Variants in ACP1 observed in about 807,000 individuals in gnomAD.
The protein encoded by ACP1 is low molecular weight phosphotyrosine protein phosphatase.
Under a neutral mutation model 23.4 loss-of-function variants are expected in ACP1, and 23 were observed. The observed-to-expected ratio is 0.98, with a 90% CI of 0.71 to 1.39. ACP1 has a LOEUF of 1.39. Among genes scored for constraint, ACP1 ranks in the 40% most tolerant of loss-of-function variants. The pLI is 0.00. For missense variants in ACP1, 180 were observed against 197.7 expected (o/e 0.91, Z 0.54); for synonymous variants, 72 against 67.2 (o/e 1.07, Z -0.35).
rs529725390 is a variant in ACP1 at position 265,404 on chromosome 2, T to G, written c.43+397T>G. The G allele has an allele frequency of 2.3e-5, 4 of 176,030 alleles. No individual in the cohort carries two copies. In the East Asian group the frequency reaches 4.4e-4, roughly 20 times the overall value. The allele number at this position is 176,030 out of a possible 1,614,324, so 10.9% of individuals were successfully genotyped here. On this transcript the variant is annotated intron_variant, in intron 1 of 5. Transcript: ENST00000272065. ...GAGTCCTATGACAACATTGTTTTGT[T>G]TGCTAGTTTCCTTAGCCCATGCTTA...
chr2:272,463 G>A lies in ACP1; in HGVS notation c.231+313G>A, dbSNP rs555831586. On this transcript the variant is annotated intron_variant, in intron 3 of 5. Coordinates refer to ENST00000272065, the MANE Select transcript of ACP1 (RefSeq NM_004300.4). ...TTTGTTTCACTTCTGGTTGCACGGTGTTGAAAGACTTGCCTGACTTTGGAA... is the reference window on the plus strand; with the variant it reads ...TTTGTTTCACTTCTGGTTGCACGGTATTGAAAGACTTGCCTGACTTTGGAA... 2.1e-6 allele frequency: 3 copies of A among 1,437,146 alleles called. No homozygotes were observed. In the East Asian group the frequency reaches 7.5e-5, roughly 36 times the overall value. The allele number at this position is 1,437,146 out of a possible 1,614,324, so 89.0% of individuals were successfully genotyped here. A position where few individuals can be genotyped will look rare whatever the true frequency, so the allele number is the denominator to read the frequency against.
chr2:272,005 A>AT, intron 2 of ACP1, 32 bp from the exon 3 acceptor site: 1 of 1,609,448 alleles, frequency 6.2e-7, no homozygotes. Context: ...TTGCAAAAAA[A>AT]AAAAAAAAAT....
rs1372210688 is a variant in ACP1, at chr2:265,007, G to C, written c.43G>C (p.Gly15Arg). Reference protein sequence around the residue: ...ATKSVLFVCLGNICRSPIAEA... With the variant: ...ATKSVLFVCLRNICRSPIAEA... ...CAAGTCCGTGCTGTTTGTGTGTCTG[G>C]GTAAGAGGGCGCCGACTTACTCATG... is the stretch of plus-strand genomic sequence containing the variant. The change falls in exon 1 of 6, where the codon GGT (glycine) becomes CGT (arginine). Residue 15 changes from glycine to arginine, a missense_variant and splice_region_variant. Physicochemically the swap from Gly to Arg is moderately radical, Grantham distance 125. Around this residue, in one of 3 missense-constraint regions of ACP1, gnomAD observed 132 missense variants for 124.1 expected, o/e 1.06. Transcript: ENST00000272065. 1 of 1,613,148 alleles carries C rather than the reference G, an allele frequency of 6.2e-7. No homozygotes were observed. The highest frequency in any genetic ancestry group is 8.5e-7 in the Non-Finnish European group (1 of 1,179,598).
chr2:267,018 G>T (rs111762089), intron 1 of ACP1, among the ~76,000 whole-genome samples: 8 of 152,286 alleles, frequency 5.3e-5, no homozygotes, highest in African/African-American at 1.9e-4. Flanking sequence ...GGATATGCTG[G>T]ACAAAGACGT....
intron 3 of ACP1, 58 bp downstream of exon 3, chr2:272,208 G>A (rs562005423): frequency 6.2e-7 from 1 of 1,614,152 alleles, no homozygotes. Flanking sequence ...ATTGACAGCG[G>A]TGCTGTTTCT....
intron 1 of ACP1, among the ~76,000 whole-genome samples, 163 bp from the exon 2 acceptor site, chr2:271,703 C>A (rs72774504): frequency 0.072 from 10,937 of 152,200 alleles, 487 homozygotes; most frequent in African/African-American, 0.12. Context: ...CCAGCAGGGT[C>A]TACCCTCACT....
chr2:269,319 G>A (rs1362504366), intron 1 of ACP1: 5 of 470,672 alleles, frequency 1.1e-5, no homozygotes, highest in African/African-American at 2.0e-5. Context: ...TTTTACTGCT[G>A]TGGAAACTAC....
chr2:275,393 G>T, intron 4 of ACP1, 192 bp downstream of exon 4: 1 of 369,808 alleles, frequency 2.7e-6, no homozygotes, highest in Non-Finnish European at 4.9e-6. Context: ...TATTTACAAG[G>T]AAATACACCT....
chr2:265,838 T>G (rs1280410623), intron 1 of ACP1, among the ~76,000 whole-genome samples: 1 of 152,234 alleles, frequency 6.6e-6, no homozygotes, highest in Non-Finnish European at 1.5e-5. Flanking sequence ...CTTTTCCTGC[T>G]CACACCCTCG....
chr2:271,836 C>A, intron 1 of ACP1, 30 bp from the exon 2 acceptor site: 1 of 1,589,592 alleles, frequency 6.3e-7, no homozygotes, highest in South Asian at 1.1e-5. Context: ...CAACCTAACC[C>A]TGTTTCCCCA....
chr2:269,185 C>T (rs779137539), intron 1 of ACP1: 15 of 398,722 alleles, frequency 3.8e-5, no homozygotes, highest in Non-Finnish European at 7.2e-5. Context: ...GATGACAATA[C>T]CTGTTTAGAA....
Position 276,794 on chromosome 2 carries a change from TAGAG to T in ACP1, c.294-181_294-178del, listed in dbSNP as rs141787163. 5.0e-3 allele frequency among the ~76,000 whole-genome samples: 757 copies of T among 152,280 alleles called. 6 individuals are homozygous for T. Among genetic ancestry groups the T allele is most frequent in the African/African-American group, 0.017 (710 of 41,554 alleles). ...AGCTGCTGTCGCAAACTGTCTTGCCTAGAGAGAGGGCAGTGGCATACAGCTGCAG... is the reference window on the plus strand; with the variant it reads ...AGCTGCTGTCGCAAACTGTCTTGCCTAGAGGGCAGTGGCATACAGCTGCAG... On this transcript the variant is annotated intron_variant, in intron 4 of 5. Transcript: ENST00000272065.
Position 277,011 on chromosome 2 carries a change from A to C in ACP1, c.325A>C (p.Thr109Pro). ...DLNRKSNQVK[T>P]CKAKIELLGS... ...GAATAGAAAAAGTAATCAAGTTAAA[A>C]CCTGCAAAGCTAAAATTGAACTACT... The change falls in exon 5 of 6, where the codon ACC becomes CCC. Residue 109 changes from threonine (T) to proline (P), a missense_variant. Transcript: ENST00000272065. 2 of 1,610,218 alleles carry C rather than the reference A, an allele frequency of 1.2e-6. No individual in the cohort carries two copies. The highest frequency in any genetic ancestry group is 1.7e-6 in the Non-Finnish European group (2 of 1,178,334).
At chr2:272,600 T>A in intron 3 of ACP1, 1 of 764,794 alleles carries the variant, frequency 1.3e-6, no homozygotes, top group Non-Finnish European at 1.9e-6. Context: ...TAATTTTTAT[T>A]AAACATTTAG....
At chr2:275,321 A>T (rs964229290) in intron 4 of ACP1, 120 bp downstream of exon 4, 1 of 470,898 alleles carries the variant, frequency 2.1e-6, no homozygotes, top group African/African-American at 2.0e-5. Context: ...GATGGTCACC[A>T]TATGTAGAAT....
At chr2:266,521 G>A (rs888890046) in intron 1 of ACP1, 1 of 152,164 alleles carries the variant, frequency 6.6e-6, no homozygotes, top group African/African-American at 2.4e-5. Context: ...TCCCACTTTA[G>A]CTGTAGGGGA....
In ACP1 at chr2:269,728, C is replaced by T. The variant is rs115330787; in HGVS notation, c.44-2138C>T. On this transcript the variant is annotated intron_variant, in intron 1 of 5. Transcript: ENST00000272065. ...CTCTCCTGCAAAGCAAGCCATAAAA[C>T]CTAGAAAGATCACTCTCTCCCTTTT... is the stretch of plus-strand genomic sequence containing the variant. Among the ~76,000 whole-genome samples the T allele has an allele frequency of 2.4e-3, 365 of 152,282 alleles. 5 individuals carry two copies. Among genetic ancestry groups the T allele is most frequent in the African/African-American group, 8.3e-3 (343 of 41,544 alleles).
In ACP1 at chr2:277,451, G is replaced by T. The variant is rs1670206672; in HGVS notation, c.*147G>T. 1.4e-6 allele frequency: 1 copy of T among 693,498 alleles called. No individual in the cohort carries two copies. The highest frequency in any genetic ancestry group is 2.6e-6 in the Non-Finnish European group (1 of 391,992). 43.0% of individuals were successfully genotyped at this position (693,498 alleles called of 1,614,324 possible). On this transcript the variant is annotated 3_prime_UTR_variant, in exon 6 of 6. Coordinates refer to ENST00000272065, the MANE Select transcript of ACP1 (RefSeq NM_004300.4). The stretch of plus-strand genomic sequence containing the variant: ...CTGTTTCTTACCTTAAAAAGTAATT[G>T]TAGATGGAAATCAGTTGTGTTTGGC...
intron 1 of ACP1, among the ~76,000 whole-genome samples, chr2:267,616 A>G (rs572279732): frequency 4.6e-5 from 7 of 152,346 alleles, no homozygotes; most frequent in South Asian, 2.1e-4. Context: ...GGCTGGGCCT[A>G]GTGGCCAGAT....
Sources: allele counts gnomAD v4.1 joint callset (sites outside exome capture counted in the v4.1 genomes callset), GRCh38; gene constraint gnomAD v4.1.1; regional missense constraint gnomAD v4.1.1; transcripts MANE v1.5; gene names NCBI Gene and HGNC (gene_info 2026-07-23, HGNC 2026-07-21).